CTNNA3: variants seen among roughly 807,000 people sequenced by gnomAD.
CTNNA3 encodes the protein catenin alpha-3.
A neutral mutation model predicts 95.7 loss-of-function variants in CTNNA3; 76 were observed. The ratio of observed to expected loss-of-function variants is 0.79; its 90% CI spans 0.66 to 0.96. The LOEUF is 0.96. Ranked by LOEUF, CTNNA3 falls within the 40% of genes least tolerant of loss-of-function variation. The pLI is 0.00. For missense variants in CTNNA3, 1,191 were observed against 1,089.8 expected (o/e 1.09, Z -1.31); for synonymous variants, 431 against 374.4 (o/e 1.15, Z -1.74).
chr10:67,679,507 A>G (rs1840588628), intron 1 of CTNNA3, among the ~76,000 whole-genome samples: 1 of 152,218 alleles, frequency 6.6e-6, no homozygotes, highest in Admixed American at 6.5e-5. Flanking sequence ...ATATATCAGA[A>G]AGGTAGAATT....
chr10:66,638,823 GT>G (rs1845422257), intron 9 of CTNNA3, among the ~76,000 whole-genome samples: 1 of 151,674 alleles, frequency 6.6e-6, no homozygotes, highest in African/African-American at 2.4e-5. Context: ...TTGTCACATA[GT>G]TTCTTTCCCT....
chr10:67,141,450 T>A (rs1296072569), intron 7 of CTNNA3, among the ~76,000 whole-genome samples: 1 of 152,216 alleles, frequency 6.6e-6, no homozygotes, highest in African/African-American at 2.4e-5. Flanking sequence ...GCAGCCCAGC[T>A]GTGCCATTAT....
rs575440386 is a variant in CTNNA3 at position 67,711,795 on chromosome 10, C to T, written c.-2+51639G>A. Among the ~76,000 whole-genome samples, 542 of 141,630 alleles carry T rather than the reference C, an allele frequency of 3.8e-3. 4 individuals are homozygous for T. The highest frequency in any genetic ancestry group is 0.013 in the African/African-American group (506 of 38,370). The allele number at this position is 141,630 out of a possible 152,430, so 92.9% of individuals were successfully genotyped here. ...TCCCCTTCCTGTGTCCATGTGATCT[C>T]GTTGTTCAATTCCCACCTATGAGTG... On this transcript the variant is annotated intron_variant, in intron 1 of 17. Coordinates refer to the CTNNA3 transcript ENST00000684154.
intron 11 of CTNNA3, among the ~76,000 whole-genome samples, chr10:66,431,655 C>A (rs1042371011): frequency 2.0e-5 from 3 of 150,238 alleles, no homozygotes; most frequent in African/African-American, 4.9e-5. Flanking sequence ...GACAAAAAAA[C>A]CAAACACCGC....
chr10:67,327,804 C>A (rs1841604970), intron 5 of CTNNA3, among the ~76,000 whole-genome samples: 1 of 152,204 alleles, frequency 6.6e-6, no homozygotes, highest in Non-Finnish European at 1.5e-5. Flanking sequence ...ACCACAGTGG[C>A]AAAGTCAACG....
intron 7 of CTNNA3, among the ~76,000 whole-genome samples, chr10:67,019,709 C>T (rs1391953720): frequency 2.0e-5 from 3 of 152,132 alleles, no homozygotes; most frequent in African/African-American, 7.2e-5. Flanking sequence ...TCATCCCTTC[C>T]ATATAAATAG....
At chr10:66,682,657 G>GCTAAAACCTATTTT (rs55895851) in intron 9 of CTNNA3, among the ~76,000 whole-genome samples, 1 of 148,572 alleles carries the variant, frequency 6.7e-6, no homozygotes, top group Non-Finnish European at 1.5e-5. Flanking sequence ...TTTTATTTCT[G>GCTAAAACCTATTTT]TTTTCTTTCT....
intron 7 of CTNNA3, among the ~76,000 whole-genome samples, chr10:66,956,143 A>G (rs1407267294): frequency 2.0e-5 from 3 of 151,824 alleles, no homozygotes; most frequent in African/African-American, 7.3e-5. Flanking sequence ...TAGCCTTCAT[A>G]TTTCCTACAT....
intron 7 of CTNNA3, among the ~76,000 whole-genome samples, chr10:66,799,790 A>G (rs1357094655): frequency 6.6e-6 from 1 of 151,522 alleles, no homozygotes; most frequent in Non-Finnish European, 1.5e-5. Flanking sequence ...GGATAAATTC[A>G]AAGGAAACAG....
intron 7 of CTNNA3, among the ~76,000 whole-genome samples, chr10:66,882,176 G>A (rs779781368): frequency 6.6e-6 from 1 of 152,028 alleles, no homozygotes; most frequent in Non-Finnish European, 1.5e-5. Context: ...AGGTTCTTAG[G>A]GGTCTTTGGT....
intron 7 of CTNNA3, among the ~76,000 whole-genome samples, chr10:67,172,800 C>A (rs994881321): frequency 6.6e-6 from 1 of 151,916 alleles, no homozygotes; most frequent in Non-Finnish European, 1.5e-5. Context: ...GTGATGAAAC[C>A]CTGTCTCTAC....
At chr10:66,033,726 T>C (rs2079497880) in intron 15 of CTNNA3, among the ~76,000 whole-genome samples, 1 of 152,150 alleles carries the variant, frequency 6.6e-6, no homozygotes, top group Non-Finnish European at 1.5e-5. Context: ...TGGCTTCTAA[T>C]TCTGACTGAT....
At chr10:67,595,088 T>G (rs1234838766) in intron 3 of CTNNA3, among the ~76,000 whole-genome samples, 2 of 152,166 alleles carry the variant, frequency 1.3e-5, no homozygotes, top group Non-Finnish European at 2.9e-5. Context: ...GAGTAGAATT[T>G]TATCATGCAT....
intron 7 of CTNNA3, among the ~76,000 whole-genome samples, chr10:67,121,510 C>T (rs772891121): frequency 1.3e-5 from 2 of 151,982 alleles, no homozygotes; most frequent in African/African-American, 2.4e-5. Flanking sequence ...AACTCCTAGC[C>T]GTTAGATTCA....
At chr10:66,845,754 TACACAC>T (rs140313786) in intron 7 of CTNNA3, among the ~76,000 whole-genome samples, 43 of 108,658 alleles carry the variant, frequency 4.0e-4, no homozygotes, top group Admixed American at 2.3e-3. Context: ...TATATATACA[TACACAC>T]ACACACACAC....
chr10:66,106,893 A>G (rs900487197), intron 13 of CTNNA3, among the ~76,000 whole-genome samples: 3 of 151,148 alleles, frequency 2.0e-5, no homozygotes, highest in Non-Finnish European at 4.4e-5. Context: ...TTGGGTTGAC[A>G]TGGTACATTT....
chr10:66,324,839 G>A (rs1220996671), intron 12 of CTNNA3, among the ~76,000 whole-genome samples: 1 of 145,850 alleles, frequency 6.9e-6, no homozygotes, highest in African/African-American at 2.5e-5. Context: ...AGGAACTAAG[G>A]TAGAACCAAG....
chr10:67,100,448 C>T (rs1274578129), intron 7 of CTNNA3, among the ~76,000 whole-genome samples: 1 of 151,714 alleles, frequency 6.6e-6, no homozygotes, highest in African/African-American at 2.4e-5. Flanking sequence ...TGGTGACAAT[C>T]TGAAAGACTG....
chr10:66,589,868 T>C (rs1843487019), intron 10 of CTNNA3, among the ~76,000 whole-genome samples: 1 of 152,082 alleles, frequency 6.6e-6, no homozygotes, highest in South Asian at 2.1e-4. Context: ...GTGGGCTCAG[T>C]GTACTGTGAT....
Sources: gnomAD v4.1 joint callset for allele counts (sites outside exome capture counted in the v4.1 genomes callset) on GRCh38, gnomAD v4.1.1 for gene constraint, MANE v1.5 for transcripts, NCBI Gene and HGNC (gene_info 2026-07-23, HGNC 2026-07-21) for gene names.